PDS5B: variants seen among roughly 807,000 people sequenced by gnomAD.
PDS5B encodes PDS5 cohesin associated factor B.
PDS5B carries 51 observed loss-of-function variants against 184.1 expected under a neutral mutation model. The ratio of observed to expected loss-of-function variants is 0.28; its 90% confidence interval spans 0.22 to 0.35. PDS5B has a LOEUF of 0.35. PDS5B is among the 10% of genes least tolerant of loss of function. The probability of loss-of-function intolerance (pLI) is 1.00; values close to 1 mark genes in which losing one functional copy is unlikely to be tolerated. For missense variants in PDS5B, 1,180 were observed against 1,723.3 expected (o/e 0.68, Z 5.58); for synonymous variants, 566 against 569.2 (o/e 0.99, Z 0.08).
At chr13:32,702,722 A>G (rs1314076898) in intron 17 of PDS5B, among the ~76,000 whole-genome samples, 1 of 152,192 alleles carries the variant, frequency 6.6e-6, no homozygotes, top group Non-Finnish European at 1.5e-5. Context: ...ATTGCCATCT[A>G]TTTATAGTGT....
intron 33 of PDS5B, among the ~76,000 whole-genome samples, chr13:32,772,853 G>A (rs1162497540): frequency 6.6e-6 from 1 of 152,118 alleles, no homozygotes; most frequent in Non-Finnish European, 1.5e-5. Context: ...GACAAAGACA[G>A]GTACACTATA....
At chr13:32,746,359 A>AC (rs1953742867) in intron 24 of PDS5B, among the ~76,000 whole-genome samples, 1 of 152,222 alleles carries the variant, frequency 6.6e-6, no homozygotes, top group South Asian at 2.1e-4. Context: ...CAGATACTGA[A>AC]CAGTTGCTCT....
chr13:32,633,553 C>T (rs1270803307), intron 1 of PDS5B, among the ~76,000 whole-genome samples: 5 of 152,010 alleles, frequency 3.3e-5, no homozygotes, highest in Non-Finnish European at 5.9e-5. Context: ...AATATTAATC[C>T]GTATGCAGTC....
chr13:32,598,219 C>G (rs905268718), intron 1 of PDS5B, among the ~76,000 whole-genome samples: 17 of 151,946 alleles, frequency 1.1e-4, no homozygotes, highest in Non-Finnish European at 2.1e-4. Context: ...ACTACAGGCA[C>G]CCGCCACCAC....
intron 24 of PDS5B, among the ~76,000 whole-genome samples, chr13:32,746,683 A>G (rs959755975): frequency 9.8e-5 from 15 of 152,296 alleles, no homozygotes; most frequent in African/African-American, 2.9e-4. Context: ...CATCAACCAC[A>G]AAACTGTGAA....
At chr13:32,599,022 G>A (rs1021384062) in intron 1 of PDS5B, among the ~76,000 whole-genome samples, 1 of 151,956 alleles carries the variant, frequency 6.6e-6, no homozygotes, top group Non-Finnish European at 1.5e-5. Context: ...CGTCTGCCTC[G>A]GCTTCCCAAA....
intron 1 of PDS5B, among the ~76,000 whole-genome samples, chr13:32,614,386 C>T (rs1384681847): frequency 6.6e-6 from 1 of 151,716 alleles, no homozygotes; most frequent in African/African-American, 2.4e-5. Context: ...CAACCTCCGC[C>T]TCCCGGGTTC....
intron 14 of PDS5B, among the ~76,000 whole-genome samples, chr13:32,696,316 T>C (rs1324836165): frequency 1.3e-5 from 2 of 152,124 alleles, no homozygotes; most frequent in African/African-American, 4.8e-5. Context: ...TATACATGAC[T>C]TTACATGCAG....
At chr13:32,692,636 T>C (rs1951588459) in intron 13 of PDS5B, among the ~76,000 whole-genome samples, 1 of 151,810 alleles carries the variant, frequency 6.6e-6, no homozygotes, top group Non-Finnish European at 1.5e-5. Flanking sequence ...AGGTAACAAA[T>C]ATAAGAATAT....
intron 1 of PDS5B, among the ~76,000 whole-genome samples, chr13:32,620,096 G>T (rs1449016823): frequency 6.6e-6 from 1 of 152,034 alleles, no homozygotes; most frequent in Non-Finnish European, 1.5e-5. Context: ...AATGCACCCG[G>T]CCCTGGTTAG....
intron 26 of PDS5B, among the ~76,000 whole-genome samples, chr13:32,756,790 C>G (rs1479083541): frequency 1.3e-5 from 2 of 151,968 alleles, no homozygotes; most frequent in African/African-American, 4.8e-5. Flanking sequence ...GGAAAAAATG[C>G]CCTTTTTTTC....
intron 15 of PDS5B, among the ~76,000 whole-genome samples, chr13:32,698,239 C>CT (rs908959705): frequency 1.5e-4 from 23 of 151,044 alleles, no homozygotes; most frequent in Admixed American, 5.9e-4. Context: ...CCCCCTTTTG[C>CT]TTTTTTTTTC....
intron 1 of PDS5B, among the ~76,000 whole-genome samples, chr13:32,609,327 A>G (rs1008163090): frequency 5.3e-5 from 8 of 152,204 alleles, no homozygotes; most frequent in African/African-American, 1.9e-4. Context: ...AAAAGAATAA[A>G]TTGGTTAATT....
intron 1 of PDS5B, among the ~76,000 whole-genome samples, chr13:32,633,279 A>G (rs1429462592): frequency 3.3e-5 from 5 of 152,196 alleles, no homozygotes; most frequent in Admixed American, 2.0e-4. Context: ...ATGTCACTTA[A>G]TTGTACATTT....
At chr13:32,660,093 C>T (rs977030021) in intron 6 of PDS5B, among the ~76,000 whole-genome samples, 1 of 151,764 alleles carries the variant, frequency 6.6e-6, no homozygotes, top group African/African-American at 2.4e-5. Flanking sequence ...GCTGTGGGTT[C>T]CTAGTCAGCT....
intron 10 of PDS5B, among the ~76,000 whole-genome samples, chr13:32,683,390 C>T (rs753683299): frequency 1.1e-4 from 17 of 149,634 alleles, no homozygotes; most frequent in East Asian, 5.9e-4. Context: ...ATGCGATCTC[C>T]GCTCACCGCA....
chr13:32,611,503 CTTTT>C (rs35825698), intron 1 of PDS5B, among the ~76,000 whole-genome samples: 11 of 110,894 alleles, frequency 9.9e-5, no homozygotes, highest in Non-Finnish European at 1.4e-4. Flanking sequence ...TTGGTTAAAA[CTTTT>C]TTTTTTTTTT....
chr13:32,717,712 C>A (rs936113511), intron 19 of PDS5B, among the ~76,000 whole-genome samples: 227 of 125,718 alleles, frequency 1.8e-3, no homozygotes, highest in African/African-American at 3.7e-3. Context: ...ATAAATAAAT[C>A]AATAAATTAA....
intron 33 of PDS5B, among the ~76,000 whole-genome samples, chr13:32,771,778 C>A (rs181479736): frequency 1.3e-5 from 2 of 151,946 alleles, no homozygotes; most frequent in Admixed American, 1.3e-4. Context: ...TTAAGGAATC[C>A]TTTATTTAAT....
Sources: allele counts gnomAD v4.1 joint callset (sites outside exome capture counted in the v4.1 genomes callset), GRCh38; gene constraint gnomAD v4.1.1; transcripts MANE v1.5; gene names NCBI Gene and HGNC (gene_info 2026-07-23, HGNC 2026-07-21).